The following HMGCLL1 variants were observed in gnomAD, a reference collection of about 807,000 sequenced individuals.
HMGCLL1 encodes 3-hydroxy-3-methylglutaryl-CoA lyase like 1, also known as 3-hydroxymethyl-3-methylglutaryl-CoA lyase, cytoplasmic.
In HMGCLL1, 36 loss-of-function variants were observed where a neutral mutation model predicts 39.1. That is an observed-to-expected ratio of 0.92 (90% CI 0.71 to 1.22). HMGCLL1 has a LOEUF of 1.22. Among genes scored for constraint, HMGCLL1 ranks in the 50% most tolerant of loss-of-function variants. The probability of loss-of-function intolerance (pLI) is 0.00; values close to 1 mark genes in which losing one functional copy is unlikely to be tolerated. For missense variants in HMGCLL1, 451 were observed against 416.5 expected, an observed-to-expected ratio of 1.08 and a Z score of -0.72; for synonymous variants, 149 against 144.0, an observed-to-expected ratio of 1.03 and a Z score of -0.25.
the HMGCLL1 span, among the ~76,000 whole-genome samples, chr6:55,606,419 A>C: frequency 7.9e-5 from 12 of 152,124 alleles, no homozygotes; most frequent in African/African-American, 2.9e-4. Context: ...GAGTTTTCAT[A>C]ATCAGTTAGT....
At chr6:55,533,672 G>A (rs1334828720) in intron 3 of HMGCLL1, among the ~76,000 whole-genome samples, 1 of 151,430 alleles carries the variant, frequency 6.6e-6, no homozygotes, top group Non-Finnish European at 1.5e-5. Context: ...GGATCACGAG[G>A]TCAGGAGATC....
At chr6:55,455,295 A>G (rs1285049273) in intron 7 of HMGCLL1, among the ~76,000 whole-genome samples, 1 of 152,130 alleles carries the variant, frequency 6.6e-6, no homozygotes, top group Non-Finnish European at 1.5e-5. Context: ...TTATCTTAAC[A>G]ATGGTATTAA....
intron 1 of HMGCLL1, among the ~76,000 whole-genome samples, chr6:55,572,874 T>G (rs1771583710): frequency 6.6e-6 from 1 of 152,176 alleles, no homozygotes; most frequent in Non-Finnish European, 1.5e-5. Flanking sequence ...ATTTGGTTAA[T>G]GAGTATTTCA....
At chr6:55,631,433 C>A in the HMGCLL1 span, among the ~76,000 whole-genome samples, 2 of 151,864 alleles carry the variant, frequency 1.3e-5, no homozygotes, top group Non-Finnish European at 2.9e-5. Flanking sequence ...AACATTTTCC[C>A]CAGAATGAAA....
At chr6:55,574,268 AGAT>A (rs1771657313) in intron 1 of HMGCLL1, among the ~76,000 whole-genome samples, 1 of 151,978 alleles carries the variant, frequency 6.6e-6, no homozygotes, top group Non-Finnish European at 1.5e-5. Context: ...GAAAAAATGG[AGAT>A]GAAGAAAGGA....
chr6:55,463,523 T>G (rs1411306171), intron 7 of HMGCLL1, among the ~76,000 whole-genome samples: 1 of 152,180 alleles, frequency 6.6e-6, no homozygotes, highest in Admixed American at 6.5e-5. Context: ...TATTCTAAAA[T>G]ATACAAATTT....
intron 3 of HMGCLL1, among the ~76,000 whole-genome samples, chr6:55,523,853 C>T (rs79470586): frequency 0.031 from 4,663 of 151,908 alleles, 233 homozygotes; most frequent in African/African-American, 0.11. Context: ...TATATACATA[C>T]TGTTGTAAGG....
At chr6:55,664,445 G>A in the HMGCLL1 span, among the ~76,000 whole-genome samples, 11 of 151,646 alleles carry the variant, frequency 7.3e-5, no homozygotes, top group South Asian at 6.2e-4. Context: ...GACTGGCTAC[G>A]AAATTCTACC....
intron 5 of HMGCLL1, chr6:55,512,993 G>A (rs924623338): frequency 6.6e-6 from 1 of 151,998 alleles, no homozygotes; most frequent in Non-Finnish European, 1.5e-5. Flanking sequence ...CAACCCATAG[G>A]CCTGGTTATA....
chr6:55,587,452 C>T, the HMGCLL1 span, among the ~76,000 whole-genome samples: 1 of 151,914 alleles, frequency 6.6e-6, no homozygotes, highest in Non-Finnish European at 1.5e-5. Flanking sequence ...GGAAAATATG[C>T]CAAATTGTAA....
chr6:55,439,562 G>A lies in HMGCLL1; in HGVS notation c.796-3C>T, dbSNP rs1763510231. 1.2e-6 allele frequency: 2 copies of A among 1,610,868 alleles called. No homozygotes were observed. Among genetic ancestry groups the A allele is most frequent in the Non-Finnish European group, 1.7e-6 (2 of 1,178,018 alleles). ...GAGTCCACCACATTAATTCCCATCT[G>A]GAAAACAAACCAAACCACCTAAAGC... On this transcript the variant is annotated splice_polypyrimidine_tract_variant and splice_region_variant and intron_variant, in intron 7 of 8. Coordinates refer to ENST00000274901, the MANE Select transcript of HMGCLL1 (RefSeq NM_001042406.2).
Position 55,564,840 on chromosome 6 carries a change from CAA to C in HMGCLL1, c.108+14106_108+14107del, listed in dbSNP as rs36040810. 1.3e-3 allele frequency among the ~76,000 whole-genome samples: 169 copies of C among 134,770 alleles called. 1 individual carries two copies. The highest frequency in any genetic ancestry group is 3.1e-3 in the South Asian group (13 of 4,242). The allele number at this position is 134,770 out of a possible 152,430, so 88.4% of individuals were successfully genotyped here. A position where few individuals can be genotyped will look rare whatever the true frequency, so the allele number is the denominator to read the frequency against. Reference sequence around the variant, plus strand: ...AAAAGGAGAAGGTCATGAAAGTTTTCAAAAAAAAAAAAACCACTATGGAATAA... The same window carrying C: ...AAAAGGAGAAGGTCATGAAAGTTTTCAAAAAAAAAAACCACTATGGAATAA... On this transcript the variant is annotated intron_variant, in intron 1 of 8. Coordinates refer to ENST00000274901, the MANE Select transcript of HMGCLL1 (RefSeq NM_001042406.2).
chr6:55,636,778 G>T, the HMGCLL1 span, among the ~76,000 whole-genome samples: 1 of 152,078 alleles, frequency 6.6e-6, no homozygotes, highest in Admixed American at 6.6e-5. Context: ...TAGGGTCAAA[G>T]TGATGAACTG....
chr6:55,616,381 C>T, the HMGCLL1 span, among the ~76,000 whole-genome samples: 3 of 152,238 alleles, frequency 2.0e-5, no homozygotes, highest in African/African-American at 7.2e-5. Context: ...AGCTAACAAC[C>T]TGCCAACAAC....
At chr6:55,611,858 G>A in the HMGCLL1 span, among the ~76,000 whole-genome samples, 1 of 152,052 alleles carries the variant, frequency 6.6e-6, no homozygotes, top group South Asian at 2.1e-4. Flanking sequence ...ATACTGAATG[G>A]GCAAAATCTG....
At chr6:55,657,774 G>C in the HMGCLL1 span, among the ~76,000 whole-genome samples, 8 of 151,914 alleles carry the variant, frequency 5.3e-5, no homozygotes, top group African/African-American at 7.2e-5. Flanking sequence ...GGGTGGAGCT[G>C]GATACCATTA....
the HMGCLL1 span, among the ~76,000 whole-genome samples, chr6:55,615,978 T>C: frequency 8.5e-5 from 13 of 152,098 alleles, no homozygotes; most frequent in African/African-American, 2.9e-4. Context: ...ACACTTACAT[T>C]CCCTTAAAAT....
At chr6:55,539,383 TGCA>T (rs1412084002) in intron 3 of HMGCLL1, among the ~76,000 whole-genome samples, 1 of 152,166 alleles carries the variant, frequency 6.6e-6, no homozygotes, top group Non-Finnish European at 1.5e-5. Flanking sequence ...TAAAGACACA[TGCA>T]TGTGAATGTT....
the HMGCLL1 span, among the ~76,000 whole-genome samples, chr6:55,614,446 C>A: frequency 6.6e-6 from 1 of 152,082 alleles, no homozygotes; most frequent in African/African-American, 2.4e-5. Flanking sequence ...TCCCAGCCTC[C>A]AGAACTATGA....
Sources: gnomAD v4.1 joint callset for allele counts (sites outside exome capture counted in the v4.1 genomes callset) on GRCh38, gnomAD v4.1.1 for gene constraint, MANE v1.5 for transcripts, NCBI Gene and HGNC (gene_info 2026-07-23, HGNC 2026-07-21) for gene names.